NCK2: variants seen among roughly 807,000 people sequenced by gnomAD.
NCK2 encodes NCK adaptor protein 2, also known as cytoplasmic protein NCK2.
NCK2 carries 16 observed loss-of-function variants against 33.9 expected under a neutral mutation model. The observed-to-expected ratio is 0.47, with a 90% CI of 0.32 to 0.72. NCK2 has a LOEUF of 0.72. Ranked by LOEUF, NCK2 falls within the 30% of genes least tolerant of loss-of-function variation. The pLI is 0.03. For missense variants in NCK2, 418 were observed against 537.3 expected (o/e 0.78, Z 2.19); for synonymous variants, 273 against 239.9 (o/e 1.14, Z -1.27).
At chr2:105,865,940 G>A (rs1677734656) in intron 3 of NCK2, among the ~76,000 whole-genome samples, 1 of 126,932 alleles carries the variant, frequency 7.9e-6, no homozygotes, top group African/African-American at 3.0e-5. Flanking sequence ...TTGAGACAGA[G>A]TTTCATTCTT....
intron 1 of NCK2, among the ~76,000 whole-genome samples, chr2:105,754,710 G>A (rs1454593434): frequency 1.3e-5 from 2 of 150,026 alleles, no homozygotes; most frequent in Non-Finnish European, 3.0e-5. Flanking sequence ...TGCTCTGCAT[G>A]ATGGAAGCCA....
At chr2:105,838,102 CT>C (rs34631040) in intron 2 of NCK2, among the ~76,000 whole-genome samples, 127 of 147,500 alleles carry the variant, frequency 8.6e-4, no homozygotes, top group South Asian at 5.5e-3. Flanking sequence ...TAGAACAGTC[CT>C]TTTTTTTTTT....
chr2:105,746,767 G>A (rs1689301160), intron 1 of NCK2, among the ~76,000 whole-genome samples: 1 of 152,222 alleles, frequency 6.6e-6, no homozygotes, highest in Non-Finnish European at 1.5e-5. Context: ...TCCTACCTCA[G>A]TATATTCTGC....
chr2:105,845,819 G>A (rs1451581584), intron 2 of NCK2, among the ~76,000 whole-genome samples: 1 of 152,164 alleles, frequency 6.6e-6, no homozygotes, highest in East Asian at 1.9e-4. Context: ...TTTGGGAGCA[G>A]GGAGTATGCA....
intron 2 of NCK2, among the ~76,000 whole-genome samples, chr2:105,838,261 G>C (rs1391251283): frequency 6.6e-6 from 1 of 151,052 alleles, no homozygotes; most frequent in African/African-American, 2.4e-5. Context: ...AAATTTTGGA[G>C]TTGATAAAGA....
intron 1 of NCK2, among the ~76,000 whole-genome samples, chr2:105,797,048 T>G (rs751064755): frequency 5.9e-5 from 9 of 152,192 alleles, no homozygotes; most frequent in Non-Finnish European, 1.2e-4. Flanking sequence ...ACAGTCCCTT[T>G]TTTATTTTAA....
chr2:105,794,436 T>C (rs1015159910), intron 1 of NCK2, among the ~76,000 whole-genome samples: 4 of 152,106 alleles, frequency 2.6e-5, no homozygotes, highest in African/African-American at 7.2e-5. Flanking sequence ...CTTGCTTGTG[T>C]GTTTTATTTA....
intron 1 of NCK2, among the ~76,000 whole-genome samples, chr2:105,748,181 G>C (rs1335743710): frequency 1.3e-5 from 2 of 152,108 alleles, no homozygotes; most frequent in Admixed American, 1.3e-4. Flanking sequence ...CACTGTCCCT[G>C]ACCAGCCTCT....
intron 1 of NCK2, among the ~76,000 whole-genome samples, chr2:105,780,335 C>T (rs200007047): frequency 0.2 from 28,644 of 142,502 alleles, 3,605 homozygotes; most frequent in African/African-American, 0.38. Flanking sequence ...TACACACACA[C>T]ACACACACAC....
At chr2:105,793,506 T>G (rs939651184) in intron 1 of NCK2, among the ~76,000 whole-genome samples, 6 of 152,228 alleles carry the variant, frequency 3.9e-5, no homozygotes, top group African/African-American at 1.4e-4. Flanking sequence ...GAAATTCACC[T>G]AGGTCATGTA....
intron 3 of NCK2, among the ~76,000 whole-genome samples, chr2:105,869,452 T>G (rs1677903075): frequency 1.3e-5 from 2 of 152,114 alleles, no homozygotes; most frequent in Non-Finnish European, 2.9e-5. Context: ...AGAGAGATGT[T>G]ACAGAAAGTG....
chr2:105,744,941 C>T lies in NCK2; in HGVS notation c.-398C>T. ...CGGAGCCGCGCGGCCGAGCGGGCGG[C>T]GGGCGGAGGGGAGGGCTTGGCGGCC... On this transcript the variant is annotated 5_prime_UTR_variant, in exon 1 of 5. Coordinates refer to ENST00000233154, the MANE Select transcript of NCK2 (RefSeq NM_003581.5). 6.9e-6 allele frequency: 1 copy of T among 145,462 alleles called. No individual in the cohort carries two copies. Among genetic ancestry groups the T allele is most frequent in the South Asian group, 2.0e-4 (1 of 5,112 alleles). 9.0% of individuals were successfully genotyped at this position (145,462 alleles called of 1,614,324 possible). A position where few individuals can be genotyped will look rare whatever the true frequency, so the allele number is the denominator to read the frequency against.
intron 2 of NCK2, among the ~76,000 whole-genome samples, chr2:105,825,590 A>G (rs1442281330): frequency 2.6e-5 from 4 of 152,196 alleles, no homozygotes; most frequent in African/African-American, 9.6e-5. Flanking sequence ...GGGTTCCTGA[A>G]AAAGGGTCAG....
Position 105,881,890 on chromosome 2 carries a change from T to G in NCK2, c.789T>G (p.Pro263=). The G allele has an allele frequency of 1.3e-6, 2 of 1,570,198 alleles. No individual in the cohort carries two copies. Among genetic ancestry groups the G allele is most frequent in the Non-Finnish European group, 8.6e-7 (1 of 1,158,190 alleles). ...VVLSDGPALH[P]AHAPQISYTG... is the part of the protein sequence containing the mutation. ...TCAGTGACGGGCCTGCCCTGCACCC[T>G]GCGCACGCCCCACAGATAAGCTACA... Residue 263 remains proline (P), a synonymous_variant, in exon 4 of 5, where the codon CCT becomes CCG. Transcript: ENST00000233154.
chr2:105,799,466 T>A lies in NCK2; in HGVS notation c.-200-16964T>A, dbSNP rs113171718. 8.6e-3 allele frequency among the ~76,000 whole-genome samples: 1,316 copies of A among 152,268 alleles called. 14 individuals are homozygous for A. Among genetic ancestry groups the A allele is most frequent in the Middle Eastern group, 0.02 (6 of 294 alleles). On this transcript the variant is annotated intron_variant, in intron 1 of 4. Coordinates refer to ENST00000233154, the MANE Select transcript of NCK2 (RefSeq NM_003581.5). ...TTTATTGAGAAGGCTGTCTCTTCCC[T>A]GGGGACTTGACTTGAGATAGTGCCT...
At chr2:105,812,390 C>T (rs1347858228) in intron 1 of NCK2, among the ~76,000 whole-genome samples, 1 of 152,226 alleles carries the variant, frequency 6.6e-6, no homozygotes, top group Admixed American at 6.5e-5. Flanking sequence ...TGTTCAGTAT[C>T]TGAAACCAGC....
chr2:105,884,572 T>C (rs1405205563), intron 4 of NCK2, among the ~76,000 whole-genome samples: 1 of 152,238 alleles, frequency 6.6e-6, no homozygotes, highest in Non-Finnish European at 1.5e-5. Context: ...TCCTGAGTGA[T>C]TGCAGTGTAA....
Position 105,853,414 on chromosome 2 carries a change from T to C in NCK2, c.-16-1634T>C, listed in dbSNP as rs959687842. 4.6e-5 allele frequency among the ~76,000 whole-genome samples: 7 copies of C among 152,368 alleles called. No homozygotes were observed. The South Asian group carries it at 1.2e-3, about 27-fold the overall frequency. ...AACTTTTCATTTTGGAAAAATGTTATGTTCACTTTTGATGTTGCACATTTT... is the reference window on the plus strand; with the variant it reads ...AACTTTTCATTTTGGAAAAATGTTACGTTCACTTTTGATGTTGCACATTTT... On this transcript the variant is annotated intron_variant, in intron 2 of 4. Coordinates refer to ENST00000233154, the MANE Select transcript of NCK2 (RefSeq NM_003581.5).
chr2:105,892,000 G>A (rs369271463), intron 4 of NCK2, among the ~76,000 whole-genome samples: 5 of 152,098 alleles, frequency 3.3e-5, no homozygotes, highest in East Asian at 1.9e-4. Flanking sequence ...TTTAAAATGC[G>A]ACCGGAATTT....
Sources: allele counts gnomAD v4.1 joint callset (sites outside exome capture counted in the v4.1 genomes callset), GRCh38; gene constraint gnomAD v4.1.1; transcripts MANE v1.5; gene names NCBI Gene and HGNC (gene_info 2026-07-23, HGNC 2026-07-21).